Variants in NRG3 observed in about 807,000 individuals in gnomAD.
The protein encoded by NRG3 is neuregulin 3.
Under a neutral mutation model 66.9 loss-of-function variants are expected in NRG3, and 31 were observed. The observed-to-expected ratio is 0.46, with a 90% CI of 0.35 to 0.63. The LOEUF (loss-of-function observed/expected upper bound fraction) is 0.63. Among genes scored for constraint, NRG3 ranks in the 20% least tolerant of loss-of-function variants. The probability of loss-of-function intolerance (pLI) is 0.00; values close to 1 mark genes in which losing one functional copy is unlikely to be tolerated. For synonymous variants in NRG3, 393 were observed against 359.4 expected (o/e 1.09, Z -1.06); for missense variants, 910 against 878.9 (o/e 1.04, Z -0.45).
chr10:82,306,573 G>T (rs1589663989), intron 1 of NRG3, among the ~76,000 whole-genome samples: 1 of 151,894 alleles, frequency 6.6e-6, no homozygotes, highest in Non-Finnish European at 1.5e-5. Flanking sequence ...GCGTGGTGGT[G>T]GTCGTCTGTA....
At chr10:82,291,590 C>A (rs754341740) in intron 1 of NRG3, among the ~76,000 whole-genome samples, 2 of 152,150 alleles carry the variant, frequency 1.3e-5, no homozygotes, top group Non-Finnish European at 2.9e-5. Context: ...GTAATTAAGA[C>A]AATTTGGCAG....
chr10:82,043,115 ACTTTGAG>A (rs2063118610), intron 1 of NRG3, among the ~76,000 whole-genome samples: 1 of 152,004 alleles, frequency 6.6e-6, no homozygotes, highest in Admixed American at 6.6e-5. Flanking sequence ...TAACATTAGG[ACTTTGAG>A]CTTCTTAAAC....
chr10:82,472,497 G>A (rs914607030), intron 2 of NRG3, among the ~76,000 whole-genome samples: 1 of 152,182 alleles, frequency 6.6e-6, no homozygotes, highest in African/African-American at 2.4e-5. Flanking sequence ...TTATGACAGA[G>A]GCTACTTATT....
chr10:82,081,650 T>C (rs888330861), intron 1 of NRG3, among the ~76,000 whole-genome samples: 1 of 152,250 alleles, frequency 6.6e-6, no homozygotes, highest in African/African-American at 2.4e-5. Context: ...TATGATATTC[T>C]TTCTAAGAAT....
chr10:82,584,686 A>G (rs547476335), intron 2 of NRG3, among the ~76,000 whole-genome samples: 12 of 152,264 alleles, frequency 7.9e-5, no homozygotes, highest in African/African-American at 2.9e-4. Flanking sequence ...GTGATCTCCT[A>G]TCTTAATAAT....
At chr10:82,633,031 A>T in intron 2 of NRG3, among the ~76,000 whole-genome samples, 1 of 152,218 alleles carries the variant, frequency 6.6e-6, no homozygotes, top group East Asian at 1.9e-4. Context: ...TGCCATTGAC[A>T]GGTTTGTTAA....
At chr10:81,918,974 A>AACACAC (rs542060517) in intron 1 of NRG3, among the ~76,000 whole-genome samples, 8,952 of 150,092 alleles carry the variant, frequency 0.06, 757 homozygotes, top group African/African-American at 0.18. Flanking sequence ...ATCATAACAA[A>AACACAC]ACACACACAC....
intron 3 of NRG3, among the ~76,000 whole-genome samples, chr10:82,787,674 A>G (rs1016036111): frequency 1.3e-5 from 2 of 152,168 alleles, no homozygotes; most frequent in African/African-American, 4.8e-5. Context: ...AGAAATTGGT[A>G]TTTTGCAGAT....
At chr10:82,433,993 A>G (rs952933253) in intron 2 of NRG3, among the ~76,000 whole-genome samples, 5 of 152,182 alleles carry the variant, frequency 3.3e-5, no homozygotes, top group Middle Eastern at 3.4e-3. Flanking sequence ...AAGAATGTCA[A>G]TGGTAGTTTG....
intron 1 of NRG3, among the ~76,000 whole-genome samples, chr10:82,336,001 A>G (rs1363199637): frequency 6.6e-6 from 1 of 152,218 alleles, no homozygotes; most frequent in Non-Finnish European, 1.5e-5. Flanking sequence ...AACTCATTGC[A>G]GCTCAAAAAG....
chr10:82,619,240 C>A (rs568487541), intron 2 of NRG3, among the ~76,000 whole-genome samples: 22 of 152,170 alleles, frequency 1.4e-4, no homozygotes, highest in Non-Finnish European at 2.4e-4. Context: ...AAAAAGTTTT[C>A]TCTAGAAAGC....
chr10:82,312,568 AC>A (rs1175515367), intron 1 of NRG3, among the ~76,000 whole-genome samples: 1 of 152,228 alleles, frequency 6.6e-6, no homozygotes, highest in East Asian at 1.9e-4. Flanking sequence ...TTGTATTCAC[AC>A]CAAATTGTAA....
intron 1 of NRG3, among the ~76,000 whole-genome samples, chr10:82,281,313 G>A (rs540494563): frequency 3.3e-5 from 5 of 152,238 alleles, no homozygotes; most frequent in Non-Finnish European, 7.4e-5. Flanking sequence ...ATGGCATACA[G>A]AAGGAAACAG....
intron 1 of NRG3, among the ~76,000 whole-genome samples, chr10:82,153,800 T>A (rs1036923973): frequency 6.6e-6 from 1 of 152,124 alleles, no homozygotes; most frequent in African/African-American, 2.4e-5. Flanking sequence ...AATTTGTATT[T>A]CCCTGACAAT....
intron 7 of NRG3, among the ~76,000 whole-genome samples, chr10:82,977,854 A>C (rs1177498297): frequency 2.0e-5 from 3 of 152,346 alleles, no homozygotes; most frequent in Admixed American, 2.0e-4. Context: ...TATTTATGGA[A>C]GAAAAGTGAC....
chr10:81,943,151 G>C (rs1848543511), intron 1 of NRG3, among the ~76,000 whole-genome samples: 1 of 152,112 alleles, frequency 6.6e-6, no homozygotes, highest in Non-Finnish European at 1.5e-5. Context: ...AACTCTGGAG[G>C]CTGAGGCAGG....
chr10:82,096,742 C>T (rs1269536467), intron 1 of NRG3, among the ~76,000 whole-genome samples: 1 of 151,938 alleles, frequency 6.6e-6, no homozygotes, highest in Admixed American at 6.6e-5. Context: ...AATGAACATA[C>T]AAGAAAAATA....
At chr10:82,128,893 A>G (rs1325644419) in intron 1 of NRG3, among the ~76,000 whole-genome samples, 1 of 151,998 alleles carries the variant, frequency 6.6e-6, no homozygotes, top group Admixed American at 6.6e-5. Flanking sequence ...GTATGCTGTC[A>G]TCTTAATTTG....
At chr10:82,740,427 AG>A (rs2058366782) in intron 3 of NRG3, among the ~76,000 whole-genome samples, 1 of 152,158 alleles carries the variant, frequency 6.6e-6, no homozygotes, top group Non-Finnish European at 1.5e-5. Flanking sequence ...GCAAGAGTGG[AG>A]GAGGGGGTCA....
Sources: gnomAD v4.1 joint callset for allele counts (sites outside exome capture counted in the v4.1 genomes callset) on GRCh38, gnomAD v4.1.1 for gene constraint, MANE v1.5 for transcripts, NCBI Gene and HGNC (gene_info 2026-07-23, HGNC 2026-07-21) for gene names.